The following FSHR variants were observed in gnomAD, a reference collection of about 807,000 sequenced individuals.
FSHR encodes the protein follicle-stimulating hormone receptor.
Under a neutral mutation model 52.1 loss-of-function variants are expected in FSHR, and 46 were observed. That is an observed-to-expected ratio of 0.88 (90% CI 0.70 to 1.13). The LOEUF is 1.13. FSHR is among the 50% of genes most tolerant of loss of function. FSHR has a pLI of 0.00. For synonymous variants in FSHR, 399 were observed against 309.6 expected, an observed-to-expected ratio of 1.29 and a Z score of -3.03; for missense variants, 964 against 834.6, an observed-to-expected ratio of 1.16 and a Z score of -1.91.
Position 48,990,554 on chromosome 2 carries a change from G to A in FSHR, c.446+12C>T. On this transcript the variant is annotated intron_variant, in intron 5 of 9. Transcript: ENST00000406846. ...AGTAAAGAGTTGGTAGTCACTCAAG[G>A]AAAAAACTTACAGTAAAACTTTTTG... 6.3e-7 allele frequency: 1 copy of A among 1,578,420 alleles called. No individual in the cohort carries two copies. The highest frequency in any genetic ancestry group is 8.7e-7 in the Non-Finnish European group (1 of 1,147,614).
chr2:49,130,635 A>C (rs931079052), intron 1 of FSHR, among the ~76,000 whole-genome samples: 1 of 152,220 alleles, frequency 6.6e-6, no homozygotes, highest in Non-Finnish European at 1.5e-5. Context: ...TACAAATCTG[A>C]ATGACTTTTG....
In FSHR at chr2:49,031,621, G is replaced by C. The variant is rs558030726; in HGVS notation, c.225-11461C>G. 1.1e-4 allele frequency among the ~76,000 whole-genome samples: 16 copies of C among 152,260 alleles called. No homozygotes were observed. In the South Asian group the frequency reaches 3.1e-3, roughly 30 times the overall value. ...GCACTCTAGTTCCAGGGGTCTTCTT[G>C]CTGGAGCTGTAGAACCAATGGGTGA... On this transcript the variant is annotated intron_variant, in intron 2 of 9. Coordinates refer to ENST00000406846, the MANE Select transcript of FSHR (RefSeq NM_000145.4).
chr2:48,996,350 C>T (rs890652648), intron 4 of FSHR, among the ~76,000 whole-genome samples: 3 of 152,020 alleles, frequency 2.0e-5, no homozygotes, highest in African/African-American at 7.2e-5. Flanking sequence ...CTAAAAGTCA[C>T]CTCAAACATG....
chr2:48,971,041 A>G (rs6705106), intron 8 of FSHR, among the ~76,000 whole-genome samples: 110,584 of 152,142 alleles, frequency 0.73, 40,523 homozygotes, highest in African/African-American at 0.82. Context: ...TACTGCAGAT[A>G]TAAAAAATGC....
chr2:49,114,348 G>C (rs1398317654), intron 1 of FSHR, among the ~76,000 whole-genome samples: 1 of 152,092 alleles, frequency 6.6e-6, no homozygotes, highest in Non-Finnish European at 1.5e-5. Flanking sequence ...CTAGACCAAA[G>C]CAATACTCTC....
At position 48,962,476 on chromosome 2, in the gene FSHR, C is replaced by T. The variant is rs564837657; in HGVS notation, c.*257G>A. 38 of 453,118 alleles carry T rather than the reference C, an allele frequency of 8.4e-5. No individual in the cohort carries two copies. Among genetic ancestry groups the T allele is most frequent in the African/African-American group, 3.7e-4 (19 of 50,690 alleles). 28.1% of individuals were successfully genotyped at this position (453,118 alleles called of 1,614,324 possible). A position where few individuals can be genotyped will look rare whatever the true frequency, so the allele number is the denominator to read the frequency against. Reference sequence around the variant, plus strand: ...CTGAACAAAAGCACTTTGAACATAACGTGCAAAAATAACATATATAAGGAT... The same window carrying T: ...CTGAACAAAAGCACTTTGAACATAATGTGCAAAAATAACATATATAAGGAT... On this transcript the variant is annotated 3_prime_UTR_variant, in exon 10 of 10. Transcript: ENST00000406846.
intron 1 of FSHR, among the ~76,000 whole-genome samples, chr2:49,087,632 A>G (rs1304208412): frequency 2.0e-5 from 3 of 152,242 alleles, no homozygotes; most frequent in East Asian, 3.8e-4. Context: ...AATCATGCAT[A>G]AAGTAATAGA....
rs573610522 is a variant in FSHR, at chr2:48,997,440, G to A, written c.375-6803C>T. On this transcript the variant is annotated intron_variant, in intron 4 of 9. Transcript: ENST00000406846. Reference sequence around the variant, plus strand: ...ATCGGCTTGGCTGCAGATTCTGTTCGGACCTAGCATCCTAGATTTGCAATC... The same window carrying A: ...ATCGGCTTGGCTGCAGATTCTGTTCAGACCTAGCATCCTAGATTTGCAATC... 8.9e-5 allele frequency: 85 copies of A among 956,522 alleles called. 1 individual carries two copies. The highest frequency in any genetic ancestry group is 5.4e-4 in the Middle Eastern group (1 of 1,854). The allele number at this position is 956,522 out of a possible 1,614,324, so 59.3% of individuals were successfully genotyped here. A position where few individuals can be genotyped will look rare whatever the true frequency, so the allele number is the denominator to read the frequency against.
chr2:49,082,551 A>C (rs1436486173), intron 1 of FSHR, among the ~76,000 whole-genome samples: 2 of 152,176 alleles, frequency 1.3e-5, no homozygotes, highest in East Asian at 1.9e-4. Context: ...TTACTCCGAG[A>C]TACGGGAGGA....
chr2:49,109,926 GA>G (rs1193461574), intron 1 of FSHR, among the ~76,000 whole-genome samples: 2 of 152,104 alleles, frequency 1.3e-5, no homozygotes, highest in Non-Finnish European at 2.9e-5. Context: ...TAAAGAGTAA[GA>G]AAAATGCCAT....
intron 2 of FSHR, among the ~76,000 whole-genome samples, chr2:49,031,631 T>C (rs1668106496): frequency 6.6e-6 from 1 of 152,184 alleles, no homozygotes; most frequent in South Asian, 2.1e-4. Context: ...GCTGGAGCTG[T>C]AGAACCAATG....
chr2:48,978,599 C>T (rs1675098833), intron 8 of FSHR, among the ~76,000 whole-genome samples: 1 of 152,182 alleles, frequency 6.6e-6, no homozygotes, highest in South Asian at 2.1e-4. Context: ...CCCAAAGAAA[C>T]AGCAATTGTT....
chr2:49,064,056 AAG>A (rs1459603158), intron 2 of FSHR, among the ~76,000 whole-genome samples: 1 of 125,020 alleles, frequency 8.0e-6, no homozygotes, highest in African/African-American at 2.9e-5. Flanking sequence ...GTAAGGCATG[AAG>A]AGTTTGTGTG....
chr2:49,061,853 TATAATA>T (rs1368405626), intron 2 of FSHR, among the ~76,000 whole-genome samples: 2 of 63,080 alleles, frequency 3.2e-5, no homozygotes, highest in Non-Finnish European at 8.2e-5. Flanking sequence ...TAAATATAAA[TATAATA>T]TATTTATATA....
intron 1 of FSHR, among the ~76,000 whole-genome samples, chr2:49,074,456 C>T (rs1558425788): frequency 6.6e-6 from 1 of 152,150 alleles, no homozygotes; most frequent in East Asian, 1.9e-4. Flanking sequence ...CAAATTAAAA[C>T]CACAACAAGA....
At chr2:49,014,652 TC>T in intron 4 of FSHR, 1 of 265,148 alleles carries the variant, frequency 3.8e-6, no homozygotes, top group South Asian at 3.7e-5. Context: ...AAATTCTGAA[TC>T]CCTTGGTTTC....
intron 1 of FSHR, among the ~76,000 whole-genome samples, chr2:49,076,590 G>C (rs979139910): frequency 6.6e-6 from 1 of 152,086 alleles, no homozygotes; most frequent in East Asian, 1.9e-4. Context: ...AACTAATTAT[G>C]CCTTCCCTAC....
At chr2:49,126,315 A>G (rs1671994731) in intron 1 of FSHR, among the ~76,000 whole-genome samples, 1 of 21,152 alleles carries the variant, frequency 4.7e-5, no homozygotes, top group Non-Finnish European at 8.0e-5. Flanking sequence ...GTGCACACAC[A>G]AAAGGAAGAG....
At chr2:49,116,267 A>G (rs1671596805) in intron 1 of FSHR, among the ~76,000 whole-genome samples, 3 of 152,192 alleles carry the variant, frequency 2.0e-5, no homozygotes. Flanking sequence ...GCAAGGGACT[A>G]AAGTCATCAA....
Sources: gnomAD v4.1 joint callset for allele counts (sites outside exome capture counted in the v4.1 genomes callset) on GRCh38, gnomAD v4.1.1 for gene constraint, MANE v1.5 for transcripts, NCBI Gene and HGNC (gene_info 2026-07-23, HGNC 2026-07-21) for gene names.